Variants in PIK3CB observed in about 807,000 individuals in gnomAD.
The protein encoded by PIK3CB is phosphatidylinositol-4,5-bisphosphate 3-kinase catalytic subunit beta, also known as phosphatidylinositol 4,5-bisphosphate 3-kinase catalytic subunit beta isoform.
In PIK3CB, 39 loss-of-function variants were observed where a neutral mutation model predicts 136.8. The ratio of observed to expected loss-of-function variants is 0.29; its 90% confidence interval spans 0.22 to 0.37. The LOEUF is 0.37. Among genes scored for constraint, PIK3CB ranks in the 10% least tolerant of loss-of-function variants. The probability of loss-of-function intolerance (pLI) is 1.00; values close to 1 mark genes in which losing one functional copy is unlikely to be tolerated. For missense variants in PIK3CB, 868 were observed against 1,275.4 expected, an observed-to-expected ratio of 0.68 and a Z score of 4.87; for synonymous variants, 428 against 436.6, an observed-to-expected ratio of 0.98 and a Z score of 0.25.
At chr3:138,684,848 T>C in intron 16 of PIK3CB, 45 bp from the exon 17 acceptor site, 1 of 1,378,984 alleles carries the variant, frequency 7.3e-7, no homozygotes, top group Non-Finnish European at 1.0e-6. Context: ...TGACTAAAAG[T>C]AATATAATAT....
intron 21 of PIK3CB, among the ~76,000 whole-genome samples, chr3:138,660,179 C>T (rs1052075461): frequency 1.1e-4 from 17 of 152,026 alleles, no homozygotes; most frequent in Non-Finnish European, 2.1e-4. Flanking sequence ...AATATCCTCA[C>T]TTGTAAAATG....
In PIK3CB at chr3:138,665,206, G is replaced by A. The variant is rs1225295847; in HGVS notation, c.2505-3C>T. On this transcript the variant is annotated splice_polypyrimidine_tract_variant and splice_region_variant and intron_variant, in intron 19 of 23. Coordinates refer to ENST00000674063, the MANE Select transcript of PIK3CB (RefSeq NM_006219.3). ...CTAAACAGCCATAAGGCAACATCCT[G>A]GAAGGAAAAAAATGGGCATAGAGTC... 15 of 1,565,074 alleles carry A rather than the reference G, an allele frequency of 9.6e-6. No homozygotes were observed. The highest frequency in any genetic ancestry group is 1.4e-5 in the African/African-American group (1 of 73,514).
chr3:138,804,000 A>G (rs1412223712), intron 1 of PIK3CB, among the ~76,000 whole-genome samples: 2 of 152,158 alleles, frequency 1.3e-5, no homozygotes, highest in Non-Finnish European at 2.9e-5. Context: ...GTTACCACAT[A>G]TTCTAGATAA....
chr3:138,808,761 T>TACAC (rs569433725), intron 1 of PIK3CB, among the ~76,000 whole-genome samples: 1 of 151,658 alleles, frequency 6.6e-6, no homozygotes, highest in South Asian at 2.1e-4. Context: ...TATATATATA[T>TACAC]ACACACACAC....
Position 138,655,454 on chromosome 3 carries a change from T to C in PIK3CB, c.3148A>G (p.Arg1050Gly), listed in dbSNP as rs1171134914. The change falls in exon 24 of 24, where the codon AGG becomes GGG. Residue 1050 changes from arginine to glycine, a missense_variant. Arg to Gly is a moderately radical substitution (Grantham distance 125). Transcript: ENST00000674063. ...TTCACTTTAGTAGTCCAGCTTTCCC[T>C]GAGCGCCTCATCAAATTTTTGCTTA... is the stretch of plus-strand genomic sequence containing the variant. ...QFKQKFDEAL[R>G]ESWTTKVNWM... is the part of the protein sequence containing the mutation. The C allele has an allele frequency of 1.2e-6, 2 of 1,613,658 alleles. No individual in the cohort carries two copies. Among genetic ancestry groups the C allele is most frequent in the African/African-American group, 1.3e-5 (1 of 74,948 alleles).
chr3:138,737,998 G>C, intron 5 of PIK3CB, 112 bp from the exon 6 acceptor site: 1 of 532,918 alleles, frequency 1.9e-6, no homozygotes, highest in Non-Finnish European at 3.1e-6. Flanking sequence ...TATTTATATG[G>C]GTACATCCTT....
At chr3:138,682,503 C>T (rs924444705) in intron 18 of PIK3CB, among the ~76,000 whole-genome samples, 1 of 152,190 alleles carries the variant, frequency 6.6e-6, no homozygotes, top group Non-Finnish European at 1.5e-5. Context: ...GTTTGTATTA[C>T]ACTGTATGTG....
At chr3:138,656,112 T>C (rs1366779339) in intron 23 of PIK3CB, 30 bp downstream of exon 23, 1 of 1,612,124 alleles carries the variant, frequency 6.2e-7, no homozygotes, top group East Asian at 2.2e-5. Flanking sequence ...GCCCACAAAG[T>C]CCAAGAGAGA....
chr3:138,659,377 G>T (rs2043246940), intron 21 of PIK3CB, among the ~76,000 whole-genome samples: 2 of 152,074 alleles, frequency 1.3e-5, no homozygotes, highest in African/African-American at 4.8e-5. Flanking sequence ...GACTGGGCGT[G>T]GTGGCGCATG....
intron 1 of PIK3CB, among the ~76,000 whole-genome samples, chr3:138,830,445 C>T (rs1343239004): frequency 3.3e-5 from 5 of 151,854 alleles, no homozygotes; most frequent in African/African-American, 4.8e-5. Flanking sequence ...CCCAGCTACT[C>T]GGGAGGCTGA....
intron 8 of PIK3CB, among the ~76,000 whole-genome samples, chr3:138,723,762 G>T (rs1559842372): frequency 6.6e-6 from 1 of 152,118 alleles, no homozygotes; most frequent in East Asian, 1.9e-4. Flanking sequence ...AATTAAAAAT[G>T]TTCTGTGTTG....
intron 1 of PIK3CB, among the ~76,000 whole-genome samples, chr3:138,833,609 C>A (rs185917828): frequency 6.9e-4 from 105 of 152,286 alleles, no homozygotes; most frequent in Admixed American, 2.1e-3. Flanking sequence ...AAAATAAGTA[C>A]TCATTTAATT....
intron 10 of PIK3CB, among the ~76,000 whole-genome samples, chr3:138,709,728 ACAC>A (rs957360092): frequency 1.3e-5 from 2 of 152,152 alleles, no homozygotes; most frequent in Non-Finnish European, 2.9e-5. Context: ...TGCCAAGTTA[ACAC>A]CACCAAAAAT....
intron 19 of PIK3CB, among the ~76,000 whole-genome samples, chr3:138,672,913 A>G (rs979088974): frequency 1.4e-5 from 2 of 141,882 alleles, no homozygotes; most frequent in African/African-American, 3.0e-5. Context: ...CTCCGTTGAA[A>G]AAAAAAAAAA....
chr3:138,683,969 T>C (rs2043832619), intron 17 of PIK3CB, among the ~76,000 whole-genome samples, 182 bp from the exon 18 acceptor site: 1 of 152,226 alleles, frequency 6.6e-6, no homozygotes, highest in African/African-American at 2.4e-5. Flanking sequence ...TTGGGTGGCA[T>C]ATACTAATGC....
intron 19 of PIK3CB, among the ~76,000 whole-genome samples, chr3:138,671,099 C>G (rs2043523400): frequency 6.6e-6 from 1 of 152,184 alleles, no homozygotes; most frequent in African/African-American, 2.4e-5. Context: ...TAGAGTCTGA[C>G]AGTCCTGGAT....
At chr3:138,675,921 T>C (rs1306071925) in intron 19 of PIK3CB, among the ~76,000 whole-genome samples, 2 of 152,170 alleles carry the variant, frequency 1.3e-5, no homozygotes, top group Admixed American at 1.3e-4. Flanking sequence ...GATAATTCAA[T>C]GAAGAAAGAA....
intron 1 of PIK3CB, among the ~76,000 whole-genome samples, chr3:138,828,006 CA>C (rs1007339461): frequency 1.5e-4 from 23 of 150,864 alleles, no homozygotes; most frequent in Non-Finnish European, 2.7e-4. Flanking sequence ...CAAAACAAAA[CA>C]AAAAAAGGTA....
intron 1 of PIK3CB, among the ~76,000 whole-genome samples, chr3:138,798,842 G>A (rs185234151): frequency 6.6e-6 from 1 of 152,006 alleles, no homozygotes; most frequent in Admixed American, 6.6e-5. Flanking sequence ...CTTGGAAAAG[G>A]ATATTTTCTC....
Sources: allele counts gnomAD v4.1 joint callset (sites outside exome capture counted in the v4.1 genomes callset), GRCh38; gene constraint gnomAD v4.1.1; transcripts MANE v1.5; gene names NCBI Gene and HGNC (gene_info 2026-07-23, HGNC 2026-07-21).